GPATCH2: variants seen among roughly 807,000 people sequenced by gnomAD.
GPATCH2 encodes G-patch domain containing 2.
In GPATCH2, 51 loss-of-function variants were observed where a neutral mutation model predicts 58.0. The observed-to-expected ratio is 0.88, with a 90% CI of 0.70 to 1.11. GPATCH2 has a LOEUF of 1.11. Ranked by LOEUF, GPATCH2 falls within the 50% of genes most tolerant of loss-of-function variation. The pLI is 0.00. For missense variants in GPATCH2, 625 were observed against 652.2 expected (o/e 0.96, Z 0.45); for synonymous variants, 222 against 218.5 (o/e 1.02, Z -0.14).
At position 217,614,203 on chromosome 1, in the gene GPATCH2, C is replaced by G; in HGVS notation, c.774-1G>C. On this transcript the variant is annotated splice_acceptor_variant, in intron 2 of 9. Coordinates refer to ENST00000366935, the MANE Select transcript of GPATCH2 (RefSeq NM_018040.5). LOFTEE classifies it high-confidence loss of function. ...AGTGCTGCTGAGACTGCTGGAATCA[C>G]TGTAATAAGGAAAAAGAAAGAAACA... The G allele has an allele frequency of 6.5e-7, 1 of 1,540,544 alleles. No individual in the cohort carries two copies. Among genetic ancestry groups the G allele is most frequent in the South Asian group, 1.1e-5 (1 of 88,008 alleles).
At chr1:217,465,766 T>C (rs192296404) in intron 8 of GPATCH2, among the ~76,000 whole-genome samples, 1 of 152,118 alleles carries the variant, frequency 6.6e-6, no homozygotes, top group African/African-American at 2.4e-5. Flanking sequence ...ATCAGAAGCA[T>C]GAAAACAGAC....
chr1:217,491,189 TA>T (rs1334450667), intron 8 of GPATCH2, among the ~76,000 whole-genome samples: 1 of 152,168 alleles, frequency 6.6e-6, no homozygotes, highest in Non-Finnish European at 1.5e-5. Flanking sequence ...ATATATTGTC[TA>T]AAAAACAAAC....
intron 5 of GPATCH2, among the ~76,000 whole-genome samples, chr1:217,537,619 C>T (rs957730653): frequency 2.6e-5 from 4 of 152,048 alleles, no homozygotes; most frequent in Non-Finnish European, 5.9e-5. Context: ...GAAACCACTT[C>T]GGTCTTATAT....
At chr1:217,495,248 A>T (rs1661953429) in intron 7 of GPATCH2, among the ~76,000 whole-genome samples, 2 of 152,336 alleles carry the variant, frequency 1.3e-5, no homozygotes, top group African/African-American at 4.8e-5. Flanking sequence ...GTGGCTATTC[A>T]TGACATTTTT....
At chr1:217,479,406 G>C (rs1443802461) in intron 8 of GPATCH2, among the ~76,000 whole-genome samples, 1 of 152,092 alleles carries the variant, frequency 6.6e-6, no homozygotes, top group Non-Finnish European at 1.5e-5. Context: ...TTTTTAATTA[G>C]TTTTCTTTTT....
At chr1:217,433,814 T>A (rs1366237513) in intron 9 of GPATCH2, among the ~76,000 whole-genome samples, 2 of 152,248 alleles carry the variant, frequency 1.3e-5, no homozygotes, top group Non-Finnish European at 2.9e-5. Flanking sequence ...GTAACTTGTG[T>A]CTCACATTGT....
intron 7 of GPATCH2, chr1:217,494,988 G>C (rs17041570): frequency 0.11 from 24,043 of 225,642 alleles, 2,904 homozygotes; most frequent in African/African-American, 0.35. Flanking sequence ...AACAGAACTT[G>C]TGAATATGGT....
intron 3 of GPATCH2, 25 bp from the exon 4 acceptor site, chr1:217,611,096 C>G (rs747852874): frequency 5.7e-6 from 9 of 1,587,094 alleles, no homozygotes; most frequent in Admixed American, 5.3e-5. Flanking sequence ...GAAACCCCCC[C>G]CCACCAAAGA....
chr1:217,506,359 C>T (rs1044508857), intron 6 of GPATCH2, among the ~76,000 whole-genome samples: 1 of 152,112 alleles, frequency 6.6e-6, no homozygotes, highest in South Asian at 2.1e-4. Flanking sequence ...AAACTATACA[C>T]GAGAGAGGAG....
At chr1:217,495,586 G>T (rs1049653576) in intron 7 of GPATCH2, among the ~76,000 whole-genome samples, 2 of 152,142 alleles carry the variant, frequency 1.3e-5, no homozygotes, top group Admixed American at 6.6e-5. Context: ...AAAAAATGAT[G>T]CTTCCTATAG....
At chr1:217,572,938 C>T (rs747440910) in intron 5 of GPATCH2, among the ~76,000 whole-genome samples, 43 of 152,170 alleles carry the variant, frequency 2.8e-4, no homozygotes, top group Non-Finnish European at 6.0e-4. Context: ...AAAGTAATTT[C>T]CAAATGTAAT....
intron 8 of GPATCH2, among the ~76,000 whole-genome samples, chr1:217,452,439 G>C (rs763627210): frequency 9.2e-5 from 14 of 152,226 alleles, no homozygotes; most frequent in Middle Eastern, 3.4e-3. Flanking sequence ...AGAAATACTT[G>C]AGTGCCTGAT....
chr1:217,620,052 T>A lies in GPATCH2; in HGVS notation c.504A>T (p.Ala168=), dbSNP rs868396387. 1.2e-6 allele frequency: 2 copies of A among 1,613,968 alleles called. No individual in the cohort carries two copies. Among genetic ancestry groups the A allele is most frequent in the Non-Finnish European group, 1.7e-6 (2 of 1,179,932 alleles). The part of the protein sequence containing the change: ...LRRRRKVKRM[A]VDLPQDISNK... ...TAGAGATGTCCTGTGGGAGATCTAC[T>A]GCCATGCGTTTTACCTTTCTCCTCC... is the stretch of plus-strand genomic sequence containing the variant. Residue 168 remains alanine (A), a synonymous_variant, in exon 2 of 10, where the codon GCA becomes GCT. Transcript: ENST00000366935.
intron 5 of GPATCH2, among the ~76,000 whole-genome samples, chr1:217,552,800 G>C (rs148093131): frequency 2.6e-4 from 39 of 152,220 alleles, no homozygotes; most frequent in African/African-American, 8.7e-4. Flanking sequence ...AAAAAAATCT[G>C]CATGAGTCTA....
intron 9 of GPATCH2, among the ~76,000 whole-genome samples, chr1:217,444,598 G>C (rs768740520): frequency 5.9e-5 from 9 of 152,180 alleles, no homozygotes; most frequent in African/African-American, 9.6e-5. Flanking sequence ...ATGGAAAACT[G>C]TTTATTAAGA....
At chr1:217,597,388 C>T (rs991001083) in intron 5 of GPATCH2, among the ~76,000 whole-genome samples, 5 of 150,488 alleles carry the variant, frequency 3.3e-5, no homozygotes, top group Admixed American at 6.6e-5. Flanking sequence ...GAAAATCAAA[C>T]GGATGCGAGG....
chr1:217,627,006 AAACTACAGAG>A (rs1337026493), intron 1 of GPATCH2, among the ~76,000 whole-genome samples: 1 of 152,078 alleles, frequency 6.6e-6, no homozygotes, highest in Non-Finnish European at 1.5e-5. Context: ...GGCTGGGAGA[AAACTACAGAG>A]AACATGAGCT....
chr1:217,476,531 C>T (rs1660977321), intron 8 of GPATCH2, among the ~76,000 whole-genome samples: 2 of 152,150 alleles, frequency 1.3e-5, no homozygotes, highest in Admixed American at 6.5e-5. Context: ...TGTCCCCCAG[C>T]ACTGGTGGTG....
chr1:217,558,729 A>T (rs1415848586), intron 5 of GPATCH2, among the ~76,000 whole-genome samples: 1 of 152,182 alleles, frequency 6.6e-6, no homozygotes, highest in Non-Finnish European at 1.5e-5. Context: ...TGGGAGGAGC[A>T]CTTGAGGCCA....
Sources: gnomAD v4.1 joint callset for allele counts (sites outside exome capture counted in the v4.1 genomes callset) on GRCh38, gnomAD v4.1.1 for gene constraint, MANE v1.5 for transcripts, NCBI Gene and HGNC (gene_info 2026-07-23, HGNC 2026-07-21) for gene names.